Variants in SLFN12L observed in about 807,000 individuals in gnomAD.
SLFN12L encodes the protein schlafen family member 12-like.
A neutral mutation model predicts 34.8 loss-of-function variants in SLFN12L; 34 were observed. The observed-to-expected ratio is 0.98, with a 90% CI of 0.74 to 1.30. The LOEUF (loss-of-function observed/expected upper bound fraction) is 1.30, where lower values mean the gene tolerates loss of function less well. SLFN12L is among the 50% of genes most tolerant of loss of function. SLFN12L has a pLI of 0.00. For missense variants in SLFN12L, 703 were observed against 696.2 expected (o/e 1.01, Z -0.11); for synonymous variants, 259 against 247.5 (o/e 1.05, Z -0.44).
chr17:35,522,765 C>T lies in SLFN12L; in HGVS notation c.-401G>A. 1 of 1,601,908 alleles carries T rather than the reference C, an allele frequency of 6.2e-7. No individual in the cohort carries two copies. The highest frequency in any genetic ancestry group is 8.5e-7 in the Non-Finnish European group (1 of 1,170,812). ...TGCAGTAGTCCTGGCCCTGCCAGGGCTGTTCTATGCTATCAGCAGAGCATC... is the reference window on the plus strand; with the variant it reads ...TGCAGTAGTCCTGGCCCTGCCAGGGTTGTTCTATGCTATCAGCAGAGCATC... On this transcript the variant is annotated 5_prime_UTR_variant, in exon 2 of 5. Transcript: ENST00000628453.
chr17:35,498,441 C>T lies in SLFN12L; in HGVS notation c.87-18246G>A, dbSNP rs953230215. ...CCAGCAATATGAAGTACAGTTTGGACGACTGCGGAATTTTCTCATCGATTC... is the reference window on the plus strand; with the variant it reads ...CCAGCAATATGAAGTACAGTTTGGATGACTGCGGAATTTTCTCATCGATTC... On this transcript the variant is annotated intron_variant, in intron 2 of 4. Coordinates refer to ENST00000628453, the MANE Select transcript of SLFN12L (RefSeq NM_001363830.2). 3.8e-6 allele frequency: 5 copies of T among 1,308,888 alleles called. No homozygotes were observed. The East Asian group carries it at 1.2e-4, about 30-fold the overall frequency. The allele number at this position is 1,308,888 out of a possible 1,614,324, so 81.1% of individuals were successfully genotyped here. A position where few individuals can be genotyped will look rare whatever the true frequency, so the allele number is the denominator to read the frequency against.
At chr17:35,517,947 A>G (rs1337824748) in intron 2 of SLFN12L, among the ~76,000 whole-genome samples, 4 of 152,170 alleles carry the variant, frequency 2.6e-5, no homozygotes, top group Non-Finnish European at 5.9e-5. Context: ...AAAAACGCTA[A>G]AAGAAAACCT....
At position 35,509,427 on chromosome 17, in the gene SLFN12L, C is replaced by T. The variant is rs190276760; in HGVS notation, c.86+12852G>A. Reference sequence around the variant, plus strand: ...AATAAACTTTTTTTAAACTAAAGAACTAAAGCTGAGATTCTTCTGTTCTGT... The same window carrying T: ...AATAAACTTTTTTTAAACTAAAGAATTAAAGCTGAGATTCTTCTGTTCTGT... On this transcript the variant is annotated intron_variant, in intron 2 of 4. Coordinates refer to ENST00000628453, the MANE Select transcript of SLFN12L (RefSeq NM_001363830.2). 2.6e-5 allele frequency among the ~76,000 whole-genome samples: 4 copies of T among 152,252 alleles called. No individual in the cohort carries two copies. The East Asian group carries it at 7.7e-4, about 29-fold the overall frequency.
intron 1 of SLFN12L, among the ~76,000 whole-genome samples, chr17:35,525,900 G>A (rs1491001224): frequency 1.3e-5 from 2 of 152,118 alleles, no homozygotes; most frequent in Non-Finnish European, 2.9e-5. Context: ...CCAATTAAAA[G>A]ACACAGACTG....
At chr17:35,503,582 A>C (rs1267455501) in intron 2 of SLFN12L, among the ~76,000 whole-genome samples, 1 of 152,234 alleles carries the variant, frequency 6.6e-6, no homozygotes, top group Non-Finnish European at 1.5e-5. Context: ...CTAATAAAAA[A>C]TAGGTACTAA....
chr17:35,492,993 C>A (rs1914900757), intron 2 of SLFN12L, among the ~76,000 whole-genome samples: 1 of 150,912 alleles, frequency 6.6e-6, no homozygotes, highest in African/African-American at 2.4e-5. Context: ...AAGCAAAAAA[C>A]CACAAGAGCC....
In SLFN12L at chr17:35,475,414, T is replaced by G. The variant is rs769821357; in HGVS notation, c.1348A>C (p.Lys450Gln). ...RNLFSQHEGL[K>Q]QLICEEMGSV... ...CCCATTTCTTCACATATTAATTGCTTAAGTCCTTCATGTTGTGAGAACAGA... is the reference window on the plus strand; with the variant it reads ...CCCATTTCTTCACATATTAATTGCTGAAGTCCTTCATGTTGTGAGAACAGA... Residue 450 changes from lysine to glutamine, a missense_variant, in exon 5 of 5, where the codon AAG (lysine) becomes CAG (glutamine). Coordinates refer to ENST00000628453, the MANE Select transcript of SLFN12L (RefSeq NM_001363830.2). 31 of 1,613,978 alleles carry G rather than the reference T, an allele frequency of 1.9e-5. No individual in the cohort carries two copies. The highest frequency in any genetic ancestry group is 2.4e-5 in the Non-Finnish European group (28 of 1,180,014).
At chr17:35,485,704 G>A (rs1300102707) in intron 2 of SLFN12L, among the ~76,000 whole-genome samples, 1 of 152,212 alleles carries the variant, frequency 6.6e-6, no homozygotes, top group Non-Finnish European at 1.5e-5. Context: ...GAGAGACAGG[G>A]ATCCAGTTTC....
At chr17:35,533,207 C>T (rs4796097) in intron 1 of SLFN12L, among the ~76,000 whole-genome samples, 96,960 of 152,106 alleles carry the variant, frequency 0.64, 31,212 homozygotes, top group East Asian at 0.73. Flanking sequence ...AGATGCTTAA[C>T]ACAATGTTGT....
chr17:35,518,088 A>G (rs978773666), intron 2 of SLFN12L, among the ~76,000 whole-genome samples: 8 of 152,206 alleles, frequency 5.3e-5, no homozygotes, highest in African/African-American at 1.7e-4. Flanking sequence ...AAAATAAACT[A>G]TCATCAGGGT....
intron 1 of SLFN12L, among the ~76,000 whole-genome samples, chr17:35,535,260 G>A (rs930661211): frequency 4.0e-5 from 6 of 148,726 alleles, no homozygotes; most frequent in South Asian, 2.1e-4. Flanking sequence ...GCGTGATCTC[G>A]GCTCACCACA....
intron 2 of SLFN12L, among the ~76,000 whole-genome samples, chr17:35,496,550 C>G (rs975612132): frequency 2.6e-5 from 4 of 151,600 alleles, no homozygotes; most frequent in Middle Eastern, 3.4e-3. Flanking sequence ...CCTTCCCTCC[C>G]CTCCCCTCAT....
At chr17:35,482,985 A>G (rs1415643120) in intron 2 of SLFN12L, among the ~76,000 whole-genome samples, 1 of 152,080 alleles carries the variant, frequency 6.6e-6, no homozygotes, top group Admixed American at 6.5e-5. Context: ...GAGAGGACCA[A>G]CTTCAGAGAG....
Position 35,474,982 on chromosome 17 carries a change from C to G in SLFN12L, c.1780G>C (p.Val594Leu), listed in dbSNP as rs1450185310. 1 of 1,558,256 alleles carries G rather than the reference C, an allele frequency of 6.4e-7. No individual in the cohort carries two copies. The highest frequency in any genetic ancestry group is 8.7e-7 in the Non-Finnish European group (1 of 1,150,402). The change falls in exon 5 of 5, where the codon GTT becomes CTT. Residue 594 changes from valine to leucine, a missense_variant. Transcript: ENST00000628453. Reference sequence around the variant, plus strand: ...AACAAACAAAAACGAAACAAACAAACAAACAAAAAGATTTGATTCTCCTTA... The same window carrying G: ...AACAAACAAAAACGAAACAAACAAAGAAACAAAAAGATTTGATTCTCCTTA... ...LPKENQIFLF[V>L]CLFRFCLFVC...
In SLFN12L at chr17:35,468,741, C is replaced by A. The variant is rs1183203675; in HGVS notation, c.*6182G>T. On this transcript the variant is annotated 3_prime_UTR_variant, in exon 5 of 5. Coordinates refer to ENST00000628453, the MANE Select transcript of SLFN12L (RefSeq NM_001363830.2). ...GTCATTCTAAGAATTAATGGAGGGC[C>A]AAGCACAGTGACTCATGCCTATAAT... Among the ~76,000 whole-genome samples, 1 of 152,136 alleles carries A rather than the reference C, an allele frequency of 6.6e-6. No individual in the cohort carries two copies. Among genetic ancestry groups the A allele is most frequent in the African/African-American group, 2.4e-5 (1 of 41,424 alleles).
rs1913821637 is a variant in SLFN12L, at chr17:35,472,380, T to G, written c.*2543A>C. Among the ~76,000 whole-genome samples the G allele has an allele frequency of 6.6e-6, 1 of 152,232 alleles. No individual in the cohort carries two copies. Among genetic ancestry groups the G allele is most frequent in the African/African-American group, 2.4e-5 (1 of 41,458 alleles). ...AGCCAGTTCTCCCAGCACCATTTAT[T>G]GAATAGAAGATCCTTTCCCCATTGC... On this transcript the variant is annotated 3_prime_UTR_variant, in exon 5 of 5. Coordinates refer to ENST00000628453, the MANE Select transcript of SLFN12L (RefSeq NM_001363830.2).
intron 1 of SLFN12L, among the ~76,000 whole-genome samples, chr17:35,526,191 C>T (rs1272471111): frequency 6.6e-6 from 1 of 152,048 alleles, no homozygotes; most frequent in African/African-American, 2.4e-5. Context: ...AATACAGGAA[C>T]ACCCAGATTC....
intron 1 of SLFN12L, 30 bp from the exon 2 acceptor site, chr17:35,522,999 G>C: frequency 2.2e-6 from 1 of 462,166 alleles, no homozygotes; most frequent in Admixed American, 3.7e-5. Flanking sequence ...GAAATTAGGG[G>C]AAGGAGAAGA....
intron 2 of SLFN12L, chr17:35,490,063 C>T: frequency 6.2e-7 from 1 of 1,604,284 alleles, no homozygotes; most frequent in Non-Finnish European, 8.5e-7. Flanking sequence ...CCCTCCAAAG[C>T]GGCGCCGTAG....
Sources: gnomAD v4.1 joint callset for allele counts (sites outside exome capture counted in the v4.1 genomes callset) on GRCh38, gnomAD v4.1.1 for gene constraint, MANE v1.5 for transcripts, NCBI Gene and HGNC (gene_info 2026-07-23, HGNC 2026-07-21) for gene names.